Variants in ATP2C1 observed in about 807,000 individuals in gnomAD.
The protein encoded by ATP2C1 is calcium-transporting ATPase type 2C member 1.
Under a neutral mutation model 120.5 loss-of-function variants are expected in ATP2C1, and 31 were observed. The ratio of observed to expected loss-of-function variants is 0.26; its 90% CI spans 0.19 to 0.35. ATP2C1 has a LOEUF of 0.35. Ranked by LOEUF, ATP2C1 falls within the 10% of genes least tolerant of loss-of-function variation. ATP2C1 has a pLI of 1.00. For synonymous variants in ATP2C1, 351 were observed against 358.7 expected (o/e 0.98, Z 0.24); for missense variants, 731 against 1,107.5 (o/e 0.66, Z 4.83).
chr3:130,899,267 GA>G (rs1009687436), intron 2 of ATP2C1: 1 of 152,110 alleles, frequency 6.6e-6, no homozygotes, highest in Non-Finnish European at 1.5e-5. Context: ...TTAACTCTCT[GA>G]AAACTAAACT....
intron 7 of ATP2C1, among the ~76,000 whole-genome samples, chr3:130,941,383 C>T (rs931662153): frequency 8.5e-5 from 13 of 152,124 alleles, no homozygotes; most frequent in African/African-American, 2.7e-4. Flanking sequence ...CAAAAGGTTG[C>T]TTCAATTTGC....
intron 26 of ATP2C1, among the ~76,000 whole-genome samples, chr3:131,008,423 CAAA>C (rs747486056): frequency 4.6e-5 from 4 of 86,964 alleles, no homozygotes. Context: ...AAGACTGTCT[CAAA>C]AAAAAAAAAA....
chr3:130,967,108 A>T, intron 14 of ATP2C1, 37 bp from the exon 15 acceptor site: 1 of 1,471,310 alleles, frequency 6.8e-7, no homozygotes, highest in Non-Finnish European at 9.5e-7. Flanking sequence ...AAGTGTTTGT[A>T]GTGTTTGTAT....
At chr3:130,949,250 C>G (rs1461257763) in intron 8 of ATP2C1, among the ~76,000 whole-genome samples, 1 of 152,110 alleles carries the variant, frequency 6.6e-6, no homozygotes, top group Non-Finnish European at 1.5e-5. Flanking sequence ...ATTAAAAGTG[C>G]TATTCCAGTG....
rs2059924766 is a variant in ATP2C1 at position 130,941,626 on chromosome 3, G to A, written c.458G>A (p.Arg153Gln). ...GGAAAATTGGAGCATACACTTGCCC[G>A]AGACTTGGTTCCAGGTGATACAGTT... ...REGKLEHTLA[R>Q]DLVPGDTVCL... is the part of the protein sequence containing the mutation. Residue 153 changes from arginine to glutamine, a missense_variant, in exon 8 of 28, where the codon CGA becomes CAA. Arg to Gln is a conservative substitution (Grantham distance 43). This residue lies in a region of ATP2C1 where 571 missense variants were observed against 845.9 expected (regional missense o/e 0.67). Transcript: ENST00000510168. The A allele has an allele frequency of 1.1e-5, 18 of 1,613,790 alleles. No individual in the cohort carries two copies. The highest frequency in any genetic ancestry group is 2.7e-5 in the African/African-American group (2 of 74,820).
At chr3:130,881,749 T>G (rs1466121788) in intron 1 of ATP2C1, among the ~76,000 whole-genome samples, 1 of 152,240 alleles carries the variant, frequency 6.6e-6, no homozygotes, top group African/African-American at 2.4e-5. Context: ...TGTTTTACAG[T>G]TTTCATCATA....
intron 7 of ATP2C1, 27 bp from the exon 8 acceptor site, chr3:130,941,564 C>A: frequency 6.3e-7 from 1 of 1,575,940 alleles, no homozygotes; most frequent in Non-Finnish European, 8.7e-7. Flanking sequence ...TTTTTTTAAC[C>A]ATGGTTGTTT....
At position 130,947,193 on chromosome 3, in the gene ATP2C1, T is replaced by G. The variant is rs545182343; in HGVS notation, c.531+5494T>G. On this transcript the variant is annotated intron_variant, in intron 8 of 27. Transcript: ENST00000510168. Reference sequence around the variant, plus strand: ...GGTAGGTGTAGGGTGGGGCCTGAGATTACGCATACTTAACCAGCTCTTAGA... The same window carrying G: ...GGTAGGTGTAGGGTGGGGCCTGAGAGTACGCATACTTAACCAGCTCTTAGA... Among the ~76,000 whole-genome samples, 5 of 152,222 alleles carry G rather than the reference T, an allele frequency of 3.3e-5. No homozygotes were observed. In the South Asian group the frequency reaches 1.0e-3, roughly 32 times the overall value.
rs114154256 is a variant in ATP2C1 at position 130,862,573 on chromosome 3, T to C, written c.108+11645T>C. Among the ~76,000 whole-genome samples the C allele has an allele frequency of 5.0e-3, 759 of 152,178 alleles. 8 individuals carry two copies. Among genetic ancestry groups the C allele is most frequent in the African/African-American group, 0.017 (714 of 41,448 alleles). ...TGTTTTTCATTAGAGTCTAGAAAAG[T>C]TCCATCGCCTAGCTTTTGGCTCTGT... On this transcript the variant is annotated intron_variant, in intron 1 of 26. Transcript: ENST00000504381.
intron 2 of ATP2C1, among the ~76,000 whole-genome samples, chr3:130,923,613 A>AT (rs892041467): frequency 3.9e-5 from 6 of 152,156 alleles, no homozygotes; most frequent in African/African-American, 1.2e-4. Flanking sequence ...CACACCTGTA[A>AT]TCCTAGCACT....
chr3:130,966,800 A>G (rs552485023), intron 14 of ATP2C1, among the ~76,000 whole-genome samples: 25 of 152,316 alleles, frequency 1.6e-4, no homozygotes, highest in African/African-American at 5.5e-4. Flanking sequence ...ACATATGGTA[A>G]TGCATTTGAG....
intron 8 of ATP2C1, among the ~76,000 whole-genome samples, chr3:130,953,145 A>C (rs1228587289): frequency 6.6e-6 from 1 of 151,664 alleles, no homozygotes; most frequent in Non-Finnish European, 1.5e-5. Flanking sequence ...ATGTATCTAT[A>C]CTCATAAAAT....
intron 1 of ATP2C1, among the ~76,000 whole-genome samples, chr3:130,852,242 T>C (rs1289406706): frequency 6.6e-6 from 1 of 152,218 alleles, no homozygotes; most frequent in Non-Finnish European, 1.5e-5. Context: ...TTGCCAATCT[T>C]TTAATGTTCA....
At chr3:130,888,796 G>A (rs1025437257) in intron 1 of ATP2C1, among the ~76,000 whole-genome samples, 1 of 152,104 alleles carries the variant, frequency 6.6e-6, no homozygotes, top group Non-Finnish European at 1.5e-5. Flanking sequence ...CAGGTACTCC[G>A]ATTGCTCTGA....
chr3:131,015,212 G>A (rs1021336716), intron 26 of ATP2C1: 3 of 702,162 alleles, frequency 4.3e-6, no homozygotes, highest in African/African-American at 1.7e-5. Flanking sequence ...ACCATATTTT[G>A]TATGCGTCCA....
intron 2 of ATP2C1, among the ~76,000 whole-genome samples, chr3:130,906,851 A>C (rs148454123): frequency 6.6e-6 from 1 of 152,006 alleles, no homozygotes; most frequent in East Asian, 1.9e-4. Context: ...TCATTTCTGC[A>C]CTCTGACTTC....
At chr3:130,902,071 C>T (rs946344927) in intron 2 of ATP2C1, among the ~76,000 whole-genome samples, 8 of 152,094 alleles carry the variant, frequency 5.3e-5, no homozygotes, top group Admixed American at 1.3e-4. Flanking sequence ...TTCTAACAAA[C>T]GGCAAGGAAG....
intron 22 of ATP2C1, among the ~76,000 whole-genome samples, chr3:130,995,549 G>A (rs1356262009): frequency 6.6e-6 from 1 of 152,172 alleles, no homozygotes; most frequent in Admixed American, 6.5e-5. Context: ...TGACAAATTA[G>A]TTCAGGTAGA....
At chr3:130,985,650 C>G (rs571710821) in intron 20 of ATP2C1, among the ~76,000 whole-genome samples, 18 of 147,578 alleles carry the variant, frequency 1.2e-4, no homozygotes, top group Non-Finnish European at 2.3e-4. Context: ...CCACCTCCCC[C>G]GCCCCACCAA....
Sources: allele counts gnomAD v4.1 joint callset (sites outside exome capture counted in the v4.1 genomes callset), GRCh38; gene constraint gnomAD v4.1.1; regional missense constraint gnomAD v4.1.1; transcripts MANE v1.5; gene names NCBI Gene and HGNC (gene_info 2026-07-23, HGNC 2026-07-21).